Variants in DCC observed in about 807,000 individuals in gnomAD.
DCC encodes netrin receptor DCC.
A neutral mutation model predicts 172.5 loss-of-function variants in DCC; 58 were observed. That is an observed-to-expected ratio of 0.34 (90% CI 0.27 to 0.42). DCC has a LOEUF of 0.42. Ranked by LOEUF, DCC falls within the 10% of genes least tolerant of loss-of-function variation. DCC has a pLI of 1.00. For missense variants in DCC, 1,740 were observed against 1,791.0 expected, an observed-to-expected ratio of 0.97 and a Z score of 0.51; for synonymous variants, 709 against 644.5, an observed-to-expected ratio of 1.10 and a Z score of -1.52.
At chr18:53,341,428 T>G (rs913498515) in intron 15 of DCC, among the ~76,000 whole-genome samples, 8 of 152,180 alleles carry the variant, frequency 5.3e-5, no homozygotes, top group African/African-American at 1.9e-4. Context: ...CCCAAATGCT[T>G]AACAAGAAAA....
intron 9 of DCC, among the ~76,000 whole-genome samples, chr18:53,182,150 A>T (rs753000083): frequency 2.0e-5 from 3 of 152,238 alleles, no homozygotes; most frequent in Non-Finnish European, 4.4e-5. Flanking sequence ...TGAATAAAAC[A>T]TGCTGATTGT....
intron 23 of DCC, among the ~76,000 whole-genome samples, chr18:53,457,301 T>A (rs1234120880): frequency 1.3e-5 from 2 of 152,214 alleles, no homozygotes; most frequent in Admixed American, 6.5e-5. Flanking sequence ...ACTGAAGTCA[T>A]GGAAACTAGC....
intron 5 of DCC, among the ~76,000 whole-genome samples, chr18:52,980,666 A>G (rs2041195617): frequency 6.6e-6 from 1 of 152,110 alleles, no homozygotes. Context: ...TAAAATAAGT[A>G]CTAAATATTA....
intron 1 of DCC, among the ~76,000 whole-genome samples, chr18:52,700,513 A>G (rs11082941): frequency 1 from 152,321 of 152,364 alleles, 76,139 homozygotes; most frequent in Non-Finnish European, 1. Context: ...TCTACCTAAA[A>G]TTGCCCCCCA....
intron 2 of DCC, among the ~76,000 whole-genome samples, chr18:52,754,464 T>C (rs2037046616): frequency 6.6e-6 from 1 of 152,128 alleles, no homozygotes; most frequent in Non-Finnish European, 1.5e-5. Context: ...AGTGCCGTTA[T>C]AAAAGTAACC....
chr18:53,301,827 G>A (rs771651742), intron 12 of DCC, among the ~76,000 whole-genome samples: 1 of 151,808 alleles, frequency 6.6e-6, no homozygotes, highest in Non-Finnish European at 1.5e-5. Context: ...TTATTTTGTT[G>A]AGGTGTAATT....
At chr18:52,511,258 G>A (rs1271031261) in intron 1 of DCC, among the ~76,000 whole-genome samples, 1 of 142,718 alleles carries the variant, frequency 7.0e-6, no homozygotes, top group African/African-American at 2.6e-5. Context: ...TCCAGCCTGG[G>A]CGACAGGGCA....
At chr18:53,282,877 G>T (rs949954296) in intron 12 of DCC, among the ~76,000 whole-genome samples, 5 of 152,084 alleles carry the variant, frequency 3.3e-5, no homozygotes, top group Non-Finnish European at 7.4e-5. Flanking sequence ...TGCACTAAAT[G>T]GCCCTAGTCA....
chr18:52,598,134 A>T (rs2033944596), intron 1 of DCC, among the ~76,000 whole-genome samples: 1 of 152,196 alleles, frequency 6.6e-6, no homozygotes, highest in South Asian at 2.1e-4. Flanking sequence ...AAGATACTAT[A>T]TTGCACTTAG....
At chr18:53,304,483 T>C (rs1247484907) in intron 12 of DCC, among the ~76,000 whole-genome samples, 3 of 152,120 alleles carry the variant, frequency 2.0e-5, no homozygotes, top group African/African-American at 4.8e-5. Context: ...GAAGAAGACA[T>C]GGGTAGCTCA....
intron 15 of DCC, among the ~76,000 whole-genome samples, chr18:53,342,019 T>C (rs1019018480): frequency 6.6e-6 from 1 of 152,120 alleles, no homozygotes; most frequent in Non-Finnish European, 1.5e-5. Flanking sequence ...TAAAAGTGAA[T>C]TAAAGTAAGT....
intron 1 of DCC, among the ~76,000 whole-genome samples, chr18:52,671,872 C>T (rs942910063): frequency 2.0e-5 from 3 of 152,034 alleles, no homozygotes; most frequent in South Asian, 2.1e-4. Context: ...ATTTGCAGAA[C>T]GAAACTCTTG....
chr18:52,766,972 C>T (rs541774772), intron 2 of DCC, among the ~76,000 whole-genome samples: 3 of 151,794 alleles, frequency 2.0e-5, no homozygotes, highest in Non-Finnish European at 4.4e-5. Context: ...TCCCCAGGTA[C>T]CTTGCAGCAA....
At chr18:52,955,552 G>C (rs78030132) in intron 5 of DCC, among the ~76,000 whole-genome samples, 6,734 of 152,042 alleles carry the variant, frequency 0.044, 214 homozygotes, top group Non-Finnish European at 0.062. Context: ...CAGTTAAGTT[G>C]GGTAAATATC....
chr18:52,912,618 G>T (rs758044360), intron 3 of DCC, among the ~76,000 whole-genome samples: 11 of 151,952 alleles, frequency 7.2e-5, no homozygotes, highest in Non-Finnish European at 1.3e-4. Flanking sequence ...TTTGCTGTAT[G>T]ATATGGTATA....
chr18:52,860,154 G>C (rs544076735), intron 2 of DCC, among the ~76,000 whole-genome samples: 2 of 152,326 alleles, frequency 1.3e-5, no homozygotes, highest in Admixed American at 1.3e-4. Context: ...GTGGTCTGTA[G>C]ATTTGTTTTT....
intron 9 of DCC, among the ~76,000 whole-genome samples, chr18:53,190,353 C>T (rs903311710): frequency 2.0e-5 from 3 of 152,068 alleles, no homozygotes; most frequent in African/African-American, 7.2e-5. Flanking sequence ...AATTCTGGCC[C>T]AACCCAACTC....
intron 14 of DCC, among the ~76,000 whole-genome samples, chr18:53,325,861 C>G (rs1652805391): frequency 6.6e-6 from 1 of 152,126 alleles, no homozygotes; most frequent in South Asian, 2.1e-4. Flanking sequence ...CAGATAATGG[C>G]TGCACTGATT....
chr18:53,479,275 G>A (rs1013584592), intron 25 of DCC, among the ~76,000 whole-genome samples: 1 of 152,046 alleles, frequency 6.6e-6, no homozygotes, highest in African/African-American at 2.4e-5. Context: ...TTGAGTCTTC[G>A]ATGACATACT....
Sources: allele counts gnomAD v4.1 joint callset (sites outside exome capture counted in the v4.1 genomes callset), GRCh38; gene constraint gnomAD v4.1.1; transcripts MANE v1.5; gene names NCBI Gene and HGNC (gene_info 2026-07-23, HGNC 2026-07-21).